Variants in POM121 observed in about 807,000 individuals in gnomAD.
POM121 encodes the protein nuclear envelope pore membrane protein POM 121.
Under a neutral mutation model 81.3 loss-of-function variants are expected in POM121, and 32 were observed. That is an observed-to-expected ratio of 0.39 (90% CI 0.30 to 0.53). The LOEUF (loss-of-function observed/expected upper bound fraction) is 0.53, where lower values mean the gene tolerates loss of function less well. Among genes scored for constraint, POM121 ranks in the 20% least tolerant of loss-of-function variants. The pLI, the probability that POM121 is intolerant of heterozygous loss-of-function variation, is 0.66. For missense variants in POM121, 1,138 were observed against 1,614.6 expected (o/e 0.70, Z 5.06); for synonymous variants, 514 against 694.2 (o/e 0.74, Z 4.08).
At position 72,937,492 on chromosome 7, in the gene POM121, C is replaced by T. The variant is rs536572933; in HGVS notation, c.1276-1098C>T. ...CTGTTATTGCCGTGAGCAGTCTTCT[C>T]AAGCTCCTCCTGGGCCCGGCTTCCT... is the stretch of plus-strand genomic sequence containing the variant. On this transcript the variant is annotated intron_variant, in intron 5 of 12. Transcript: ENST00000434423. Among the ~76,000 whole-genome samples, 3 of 152,024 alleles carry T rather than the reference C, an allele frequency of 2.0e-5. No homozygotes were observed. The East Asian group carries it at 5.8e-4, about 29-fold the overall frequency.
At chr7:72,945,919 A>C (rs1190767839) in intron 12 of POM121, among the ~76,000 whole-genome samples, 1 of 152,076 alleles carries the variant, frequency 6.6e-6, no homozygotes, top group African/African-American at 2.4e-5. Flanking sequence ...CTCCCATGGG[A>C]AGCCAGGTAA....
intron 12 of POM121, 124 bp downstream of exon 12, chr7:72,945,832 T>G: frequency 6.9e-7 from 1 of 1,457,206 alleles, no homozygotes; most frequent in Non-Finnish European, 9.1e-7. Flanking sequence ...ACATTTCGGG[T>G]TAGGAGTCCA....
Position 72,928,404 on chromosome 7 carries a change from A to G in POM121, c.1042A>G (p.Ser348Gly), listed in dbSNP as rs1554497968. The G allele has an allele frequency of 1.2e-6, 2 of 1,614,248 alleles. No homozygotes were observed. Among genetic ancestry groups the G allele is most frequent in the South Asian group, 1.1e-5 (1 of 91,092 alleles). The change falls in exon 4 of 13, where the codon AGT becomes GGT. Residue 348 changes from serine to glycine, a missense_variant. This residue lies in a region of POM121 where 646 missense variants were observed against 633.5 expected (regional missense o/e 1.02). Coordinates refer to ENST00000434423, the MANE Select transcript of POM121 (RefSeq NM_001387691.1). ...TCGCAGGCGCCATGATAGCAGTGGC[A>G]GTGGACATTCAGCATTTGAGCCCCT... The part of the protein sequence containing the change: ...NKRRRHDSSG[S>G]GHSAFEPLVA...
intron 6 of POM121, 86 bp from the exon 7 acceptor site, chr7:72,939,250 C>T: frequency 1.3e-6 from 2 of 1,532,310 alleles, no homozygotes; most frequent in Non-Finnish European, 8.8e-7. Flanking sequence ...ACATTGGCCA[C>T]TTGGTAGTTA....
chr7:72,939,688 T>G (rs1392302958), intron 7 of POM121, among the ~76,000 whole-genome samples, 159 bp from the exon 8 acceptor site: 2 of 152,188 alleles, frequency 1.3e-5, no homozygotes, highest in African/African-American at 4.8e-5. Flanking sequence ...TGTGCGCGCC[T>G]TAATCTTGCA....
At chr7:72,892,162 T>C (rs1190525508) in intron 3 of POM121, among the ~76,000 whole-genome samples, 3 of 152,262 alleles carry the variant, frequency 2.0e-5, no homozygotes, top group African/African-American at 7.2e-5. Flanking sequence ...TTTTCCACTT[T>C]TTTGGTTTTC....
chr7:72,903,379 A>G (rs1792906283), intron 3 of POM121, among the ~76,000 whole-genome samples: 1 of 152,136 alleles, frequency 6.6e-6, no homozygotes, highest in Non-Finnish European at 1.5e-5. Flanking sequence ...AGAGGTTGCA[A>G]TGAGTGGAGA....
In POM121 at chr7:72,903,479, C is replaced by T. The variant is rs1563140868; in HGVS notation, c.-215-10286C>T. 3.3e-5 allele frequency among the ~76,000 whole-genome samples: 5 copies of T among 152,270 alleles called. No homozygotes were observed. In the South Asian group the frequency reaches 1.0e-3, roughly 32 times the overall value. On this transcript the variant is annotated intron_variant, in intron 3 of 15. Coordinates refer to the POM121 transcript ENST00000395270. ...TATTTTGAGTATTATAATGGGGTAA[C>T]TGGAAATTATTTTATCCTCCCCACC...
chr7:72,896,891 T>G (rs545220718), intron 3 of POM121, among the ~76,000 whole-genome samples: 1 of 152,288 alleles, frequency 6.6e-6, no homozygotes, highest in African/African-American at 2.4e-5. Flanking sequence ...CCCTAATAAT[T>G]ATACACTTTA....
intron 1 of POM121, among the ~76,000 whole-genome samples, chr7:72,880,659 C>A (rs1467756759): frequency 1.1e-4 from 16 of 151,970 alleles, no homozygotes; most frequent in African/African-American, 3.9e-4. Context: ...GGGGCTAGGG[C>A]AAGAGTATCT....
At chr7:72,935,184 C>T (rs1223094262) in intron 5 of POM121, among the ~76,000 whole-genome samples, 1 of 151,668 alleles carries the variant, frequency 6.6e-6, no homozygotes, top group Admixed American at 6.6e-5. Flanking sequence ...ATTTATTTAA[C>T]TTTTGAGACA....
intron 3 of POM121, among the ~76,000 whole-genome samples, chr7:72,904,583 C>A (rs755981658): frequency 6.6e-6 from 1 of 152,166 alleles, no homozygotes; most frequent in African/African-American, 2.4e-5. Flanking sequence ...GGAATGTGGG[C>A]TGCCATCTTC....
chr7:72,945,188 C>T lies in POM121; in HGVS notation c.3530-398C>T, dbSNP rs564086646. Reference sequence around the variant, plus strand: ...GGACCACGGGGCATCACAAAAGACGCGGGACGGACAAACCAGGCTTCAGAG... The same window carrying T: ...GGACCACGGGGCATCACAAAAGACGTGGGACGGACAAACCAGGCTTCAGAG... On this transcript the variant is annotated intron_variant, in intron 11 of 12. Transcript: ENST00000434423. Among the ~76,000 whole-genome samples the T allele has an allele frequency of 7.2e-5, 11 of 152,188 alleles. No individual in the cohort carries two copies. The East Asian group carries it at 1.7e-3, about 24-fold the overall frequency.
Position 72,946,261 on chromosome 7 carries a change from C to G in POM121, c.*27C>G, listed in dbSNP as rs373637100. ...CTTTGTCCCCTGTCCCTGTTCCCCC[C>G]ACCCCTTCCCTAAATCTGGACCTTG... On this transcript the variant is annotated 3_prime_UTR_variant, in exon 13 of 13. Coordinates refer to ENST00000434423, the MANE Select transcript of POM121 (RefSeq NM_001387691.1). 3.5e-5 allele frequency: 56 copies of G among 1,607,900 alleles called. No homozygotes were observed. Among genetic ancestry groups the G allele is most frequent in the East Asian group, 3.1e-4 (14 of 44,790 alleles).
At chr7:72,901,159 T>C (rs1422238366) in intron 3 of POM121, among the ~76,000 whole-genome samples, 1 of 151,824 alleles carries the variant, frequency 6.6e-6, no homozygotes, top group African/African-American at 2.4e-5. Flanking sequence ...CTGACAGGTT[T>C]TTATATGTTT....
intron 1 of POM121, among the ~76,000 whole-genome samples, chr7:72,888,717 G>A (rs185783980): frequency 1.7e-3 from 253 of 145,684 alleles, no homozygotes; most frequent in Middle Eastern, 0.01. Context: ...CACACAAACT[G>A]TATATATGTG....
chr7:72,883,115 C>T (rs1319369287), intron 1 of POM121, among the ~76,000 whole-genome samples: 2 of 152,224 alleles, frequency 1.3e-5, no homozygotes, highest in Non-Finnish European at 2.9e-5. Context: ...TCACAACTCA[C>T]TGCAACCTCA....
chr7:72,884,543 TACATATA>T (rs1160149609), intron 1 of POM121, among the ~76,000 whole-genome samples: 272 of 52,554 alleles, frequency 5.2e-3, no homozygotes, highest in South Asian at 0.011. Flanking sequence ...AGCAAATATA[TACATATA>T]ATATATATTT....
At chr7:72,909,578 A>ATTTAGT (rs1793606616) in intron 3 of POM121, among the ~76,000 whole-genome samples, 1 of 152,182 alleles carries the variant, frequency 6.6e-6, no homozygotes, top group South Asian at 2.1e-4. Flanking sequence ...TCTAAGATCA[A>ATTTAGT]TTTAGTTTTC....
Sources: gnomAD v4.1 joint callset for allele counts (sites outside exome capture counted in the v4.1 genomes callset) on GRCh38, gnomAD v4.1.1 for gene constraint, gnomAD v4.1.1 regional missense constraint, MANE v1.5 for transcripts, NCBI Gene and HGNC (gene_info 2026-07-23, HGNC 2026-07-21) for gene names.